The following NBR1 variants were observed in gnomAD, a reference collection of about 807,000 sequenced individuals.
NBR1 encodes NBR1 autophagy cargo receptor, also known as next to BRCA1 gene 1 protein.
NBR1 carries 59 observed loss-of-function variants against 115.5 expected under a neutral mutation model. The observed-to-expected ratio is 0.51, with a 90% CI of 0.41 to 0.63. NBR1 has a LOEUF of 0.63. Among genes scored for constraint, NBR1 ranks in the 30% least tolerant of loss-of-function variants. NBR1 has a pLI of 0.00. For missense variants in NBR1, 1,043 were observed against 1,150.5 expected (o/e 0.91, Z 1.35); for synonymous variants, 373 against 414.7 (o/e 0.90, Z 1.22).
rs754107785 is a variant in NBR1, at chr17:43,193,570, A to G, written c.1456A>G (p.Ser486Gly). Residue 486 changes from serine to glycine, a missense_variant, in exon 12 of 21, where the codon AGC (serine) becomes GGC (glycine). Transcript: ENST00000590996. The stretch of plus-strand genomic sequence containing the variant: ...AGTAGATCCTTTCCCCTCCGAAGAG[A>G]GCCCTGATAACATTGAAAAGGGCAT... ...IIVDPFPSEE[S>G]PDNIEKGMIS... 8.7e-6 allele frequency: 14 copies of G among 1,612,454 alleles called. No individual in the cohort carries two copies. The East Asian group carries it at 1.3e-4, about 15-fold the overall frequency.
chr17:43,206,662 A>G (rs1338269953), intron 20 of NBR1, among the ~76,000 whole-genome samples: 1 of 152,016 alleles, frequency 6.6e-6, no homozygotes, highest in Non-Finnish European at 1.5e-5. Context: ...CTCAAAAAAA[A>G]AAAAAGGAAA....
At chr17:43,197,920 G>A (rs189913946) in intron 16 of NBR1, among the ~76,000 whole-genome samples, 1 of 152,292 alleles carries the variant, frequency 6.6e-6, no homozygotes, top group African/African-American at 2.4e-5. Flanking sequence ...ATGAGGCTGA[G>A]GCGGGTGGAT....
chr17:43,201,158 T>G (rs1258120942), intron 17 of NBR1, among the ~76,000 whole-genome samples: 1 of 152,194 alleles, frequency 6.6e-6, no homozygotes, highest in African/African-American at 2.4e-5. Context: ...TGTGAGCCAC[T>G]ATGCCTGGCT....
At chr17:43,203,961 G>A (rs1283637832) in intron 20 of NBR1, among the ~76,000 whole-genome samples, 175 bp downstream of exon 20, 4 of 139,512 alleles carry the variant, frequency 2.9e-5, no homozygotes, top group African/African-American at 5.4e-5. Context: ...TTTTTGAGAC[G>A]AAGTCTCGCT....
chr17:43,191,501 G>T lies in NBR1; in HGVS notation c.993G>T (p.Leu331=), dbSNP rs2154582193. 6.2e-7 allele frequency: 1 copy of T among 1,613,092 alleles called. No individual in the cohort carries two copies. The highest frequency in any genetic ancestry group is 1.3e-5 in the African/African-American group (1 of 75,008). The stretch of plus-strand genomic sequence containing the variant: ...TTAAACTCCATAGGAAAATTCACCT[G>T]TGGAATTCAATCCATGGACTCCAGA... The part of the protein sequence containing the change: ...KQLKLHRKIH[L]WNSIHGLQSP... Residue 331 remains leucine (L), a synonymous_variant, in exon 10 of 21, where the codon CTG becomes CTT. Coordinates refer to ENST00000590996, the MANE Select transcript of NBR1 (RefSeq NM_005899.5).
intron 17 of NBR1, 46 bp downstream of exon 17, chr17:43,200,654 A>G (rs2057178271): frequency 1.3e-6 from 2 of 1,521,044 alleles, no homozygotes; most frequent in South Asian, 2.5e-5. Context: ...CAGAGGTGAA[A>G]TAAAGAGAGG....
intron 1 of NBR1, among the ~76,000 whole-genome samples, chr17:43,174,041 GTTAAC>G (rs1317489649): frequency 1.3e-5 from 2 of 152,144 alleles, no homozygotes; most frequent in Admixed American, 1.3e-4. Context: ...TTAAGGAATT[GTTAAC>G]TTGTTAGGCA....
intron 16 of NBR1, 52 bp downstream of exon 16, chr17:43,197,158 C>G: frequency 2.0e-6 from 3 of 1,535,776 alleles, no homozygotes; most frequent in Non-Finnish European, 2.7e-6. Context: ...TGAATTGTGA[C>G]TGCCAGACTT....
chr17:43,205,523 TA>T lies in NBR1; in HGVS notation c.2727+1743del, dbSNP rs535395243. Among the ~76,000 whole-genome samples the T allele has an allele frequency of 2.7e-3, 409 of 151,988 alleles. 2 individuals carry two copies. Among genetic ancestry groups the T allele is most frequent in the Admixed American group, 6.5e-3 (99 of 15,254 alleles). On this transcript the variant is annotated intron_variant, in intron 20 of 20. Transcript: ENST00000590996. Reference sequence around the variant, plus strand: ...AGGGTATTGTAGACAGTGTAGCCAGTAAAAAAGACTTGGAAATGTGAGCATG... The same window carrying T: ...AGGGTATTGTAGACAGTGTAGCCAGTAAAAAGACTTGGAAATGTGAGCATG...
At chr17:43,197,709 GA>G (rs1455599921) in intron 16 of NBR1, among the ~76,000 whole-genome samples, 1 of 152,132 alleles carries the variant, frequency 6.6e-6, no homozygotes, top group Non-Finnish European at 1.5e-5. Flanking sequence ...CTGCAGTAAG[GA>G]ATCTTCCTGT....
chr17:43,182,045 G>A (rs1007257609), intron 5 of NBR1, among the ~76,000 whole-genome samples: 1 of 150,978 alleles, frequency 6.6e-6, no homozygotes, highest in African/African-American at 2.5e-5. Context: ...TAAAGAGGCT[G>A]GGTCTTGCTA....
rs1305794355 is a variant in NBR1 at position 43,211,062 on chromosome 17, C to T, written c.*988C>T. On this transcript the variant is annotated 3_prime_UTR_variant, in exon 21 of 21. Coordinates refer to ENST00000590996, the MANE Select transcript of NBR1 (RefSeq NM_005899.5). ...GATGACTTCTTTAATGCTTGAAGTC[C>T]GTTCACAGGTATCTAGCCCTAGAAT... 1 of 207,170 alleles carries T rather than the reference C, an allele frequency of 4.8e-6. No homozygotes were observed. The highest frequency in any genetic ancestry group is 9.6e-6 in the Non-Finnish European group (1 of 104,638). The allele number at this position is 207,170 out of a possible 1,614,324, so 12.8% of individuals were successfully genotyped here.
chr17:43,209,783 TA>T, intron 20 of NBR1, 117 bp from the exon 21 acceptor site: 1 of 1,468,528 alleles, frequency 6.8e-7, no homozygotes, highest in South Asian at 1.4e-5. Context: ...AATTACCTAG[TA>T]CTTTGAATAA....
intron 20 of NBR1, among the ~76,000 whole-genome samples, chr17:43,206,314 ATC>A (rs1187808990): frequency 3.9e-5 from 6 of 152,128 alleles, no homozygotes; most frequent in African/African-American, 1.4e-4. Context: ...ACATGATGAG[ATC>A]TGTTTTTAGT....
At chr17:43,196,779 A>G (rs2057077750) in intron 15 of NBR1, among the ~76,000 whole-genome samples, 163 bp from the exon 16 acceptor site, 1 of 152,192 alleles carries the variant, frequency 6.6e-6, no homozygotes, top group Non-Finnish European at 1.5e-5. Flanking sequence ...TAGTTTTAGC[A>G]TGGGTAATGA....
At chr17:43,203,854 C>A in intron 20 of NBR1, 68 bp downstream of exon 20, 1 of 992,514 alleles carries the variant, frequency 1.0e-6, no homozygotes. Context: ...TGGCATCTGT[C>A]TGGGTTGAAG....
At chr17:43,198,549 C>T (rs767232348) in intron 16 of NBR1, among the ~76,000 whole-genome samples, 5 of 151,542 alleles carry the variant, frequency 3.3e-5, no homozygotes, top group South Asian at 2.1e-4. Context: ...CTACTCAAGA[C>T]GCTGAGGCAG....
chr17:43,197,550 G>A (rs895880129), intron 16 of NBR1, among the ~76,000 whole-genome samples: 2 of 151,680 alleles, frequency 1.3e-5, no homozygotes, highest in African/African-American at 4.8e-5. Context: ...GATCTTGTTT[G>A]TGTCTTTAGA....
chr17:43,189,552 C>CT (rs1567854569), intron 7 of NBR1, 36 bp from the exon 8 acceptor site: 1 of 1,502,872 alleles, frequency 6.7e-7, no homozygotes, highest in Admixed American at 1.7e-5. Flanking sequence ...GATATTGGAA[C>CT]TGAGTTTTTT....
Sources: gnomAD v4.1 joint callset for allele counts (sites outside exome capture counted in the v4.1 genomes callset) on GRCh38, gnomAD v4.1.1 for gene constraint, MANE v1.5 for transcripts, NCBI Gene and HGNC (gene_info 2026-07-23, HGNC 2026-07-21) for gene names.